The following CTNND2 variants were observed in gnomAD, a reference collection of about 807,000 sequenced individuals.
The protein encoded by CTNND2 is catenin delta 2, also known as catenin delta-2.
Under a neutral mutation model 144.4 loss-of-function variants are expected in CTNND2, and 22 were observed. The observed-to-expected ratio is 0.15, with a 90% CI of 0.11 to 0.22. The LOEUF (loss-of-function observed/expected upper bound fraction) is 0.22. Among genes scored for constraint, CTNND2 ranks in the 10% least tolerant of loss-of-function variants. The pLI is 1.00. For synonymous variants in CTNND2, 751 were observed against 695.6 expected (o/e 1.08, Z -1.25); for missense variants, 1,353 against 1,618.8 (o/e 0.84, Z 2.82).
intron 2 of CTNND2, among the ~76,000 whole-genome samples, chr5:11,723,990 C>T (rs150112880): frequency 0.011 from 1,737 of 151,790 alleles, 37 homozygotes; most frequent in African/African-American, 0.04. Context: ...GGGAGGCGGA[C>T]CTTGCAGCGA....
intron 1 of CTNND2, among the ~76,000 whole-genome samples, chr5:11,856,355 T>C (rs1320499477): frequency 6.6e-6 from 1 of 152,148 alleles, no homozygotes; most frequent in Non-Finnish European, 1.5e-5. Flanking sequence ...GGGAGGCTGA[T>C]GGAAAGTTGG....
At chr5:11,668,826 C>T (rs946802263) in intron 2 of CTNND2, among the ~76,000 whole-genome samples, 1 of 152,134 alleles carries the variant, frequency 6.6e-6, no homozygotes, top group African/African-American at 2.4e-5. Context: ...TAAGAGATGA[C>T]ATCCTTGTCT....
At chr5:11,065,533 C>T (rs979907102) in intron 16 of CTNND2, among the ~76,000 whole-genome samples, 2 of 152,210 alleles carry the variant, frequency 1.3e-5, no homozygotes, top group East Asian at 1.9e-4. Flanking sequence ...AAAATACTCC[C>T]TTTTCTTCAA....
chr5:10,993,084 T>G (rs1738889396), intron 18 of CTNND2, among the ~76,000 whole-genome samples: 1 of 152,190 alleles, frequency 6.6e-6, no homozygotes, highest in Non-Finnish European at 1.5e-5. Context: ...TTTACCCCTT[T>G]GCTCCCAGGA....
Position 11,329,847 on chromosome 5 carries a change from G to A in CTNND2, c.1628+16525C>T, listed in dbSNP as rs572783761. The stretch of plus-strand genomic sequence containing the variant: ...CAAAGCAGCTTTGGTATCCAGCACC[G>A]TGATCTGTTTTTCAATGAGACTCGT... On this transcript the variant is annotated intron_variant, in intron 9 of 21. Coordinates refer to ENST00000304623, the MANE Select transcript of CTNND2 (RefSeq NM_001332.4). Among the ~76,000 whole-genome samples the A allele has an allele frequency of 5.9e-5, 9 of 152,286 alleles. No homozygotes were observed. In the East Asian group the frequency reaches 1.7e-3, roughly 29 times the overall value.
intron 9 of CTNND2, among the ~76,000 whole-genome samples, chr5:11,336,637 A>T (rs1290919793): frequency 6.6e-6 from 1 of 152,226 alleles, no homozygotes; most frequent in Non-Finnish European, 1.5e-5. Flanking sequence ...GCCAATAAAC[A>T]GATGGATTAC....
intron 5 of CTNND2, among the ~76,000 whole-genome samples, chr5:11,410,693 T>G (rs1234573926): frequency 6.6e-6 from 1 of 152,136 alleles, no homozygotes; most frequent in Non-Finnish European, 1.5e-5. Context: ...TCTATGGAAT[T>G]AATATAGCAA....
chr5:11,195,027 T>G (rs1164829858), intron 11 of CTNND2, among the ~76,000 whole-genome samples: 2 of 151,780 alleles, frequency 1.3e-5, no homozygotes, highest in African/African-American at 4.8e-5. Context: ...AGAGAAATAA[T>G]CCAAGAGGCT....
chr5:11,320,933 T>C (rs559341852), intron 9 of CTNND2, among the ~76,000 whole-genome samples: 78 of 152,332 alleles, frequency 5.1e-4, no homozygotes, highest in African/African-American at 1.7e-3. Flanking sequence ...GAATTTAACA[T>C]AGCTTTACAC....
intron 9 of CTNND2, among the ~76,000 whole-genome samples, chr5:11,308,213 G>A (rs1436686963): frequency 1.3e-5 from 2 of 150,518 alleles, no homozygotes; most frequent in Non-Finnish European, 2.9e-5. Flanking sequence ...CCTCTGCTTA[G>A]ATTATAATTA....
At chr5:11,598,677 T>A (rs1779641155) in intron 2 of CTNND2, among the ~76,000 whole-genome samples, 1 of 152,118 alleles carries the variant, frequency 6.6e-6, no homozygotes, top group South Asian at 2.1e-4. Context: ...GATGAAGAGC[T>A]GGGAAAATAT....
intron 2 of CTNND2, among the ~76,000 whole-genome samples, chr5:11,685,011 T>C (rs1005988754): frequency 2.6e-5 from 4 of 152,348 alleles, no homozygotes; most frequent in South Asian, 4.1e-4. Flanking sequence ...TCACAGCTTA[T>C]AACCTTCATC....
At chr5:11,312,684 A>ACACTCCCCATATACCCTCACCCTCAC (rs1610903) in intron 9 of CTNND2, among the ~76,000 whole-genome samples, 105,348 of 145,076 alleles carry the variant, frequency 0.73, 39,673 homozygotes, top group Middle Eastern at 0.89. Context: ...ACACTCACAC[A>ACACTCCCCATATACCCTCACCCTCAC]CACTCCCCAT....
intron 1 of CTNND2, among the ~76,000 whole-genome samples, chr5:11,812,138 A>G (rs143303910): frequency 2.2e-4 from 33 of 152,308 alleles, no homozygotes; most frequent in African/African-American, 7.5e-4. Context: ...TTAAAAGGAG[A>G]GAAATAAACC....
chr5:11,289,122 C>A (rs568714926), intron 9 of CTNND2, among the ~76,000 whole-genome samples: 1 of 152,194 alleles, frequency 6.6e-6, no homozygotes, highest in Non-Finnish European at 1.5e-5. Context: ...TATCTGCACA[C>A]CTTAGCACAG....
chr5:11,026,356 C>CTTTT (rs67196223), intron 16 of CTNND2, among the ~76,000 whole-genome samples: 25,963 of 116,610 alleles, frequency 0.22, 3,695 homozygotes, highest in Admixed American at 0.32. Flanking sequence ...CCTTCTTCTT[C>CTTTT]TTTTTTTTTT....
chr5:11,193,150 T>A (rs924775023), intron 11 of CTNND2, among the ~76,000 whole-genome samples: 5 of 152,200 alleles, frequency 3.3e-5, no homozygotes, highest in African/African-American at 1.2e-4. Context: ...AGAATCCCCC[T>A]GGCTGAGACT....
chr5:11,321,739 C>T (rs1366158380), intron 9 of CTNND2, among the ~76,000 whole-genome samples: 1 of 152,136 alleles, frequency 6.6e-6, no homozygotes, highest in African/African-American at 2.4e-5. Flanking sequence ...CATGCATGCA[C>T]ACACATCACA....
chr5:11,684,249 T>C (rs10070013), intron 2 of CTNND2, among the ~76,000 whole-genome samples: 33,309 of 151,576 alleles, frequency 0.22, 5,833 homozygotes, highest in African/African-American at 0.49. Flanking sequence ...CTACAGGCGC[T>C]CGCCACCACG....
Sources: allele counts gnomAD v4.1 joint callset (sites outside exome capture counted in the v4.1 genomes callset), GRCh38; gene constraint gnomAD v4.1.1; transcripts MANE v1.5; gene names NCBI Gene and HGNC (gene_info 2026-07-23, HGNC 2026-07-21).